The following KALRN variants were observed in gnomAD, a reference collection of about 807,000 sequenced individuals.
The protein encoded by KALRN is kalirin RhoGEF kinase.
In KALRN, 70 loss-of-function variants were observed where a neutral mutation model predicts 353.7. The ratio of observed to expected loss-of-function variants is 0.20; its 90% confidence interval spans 0.16 to 0.24. The LOEUF is 0.24. Ranked by LOEUF, KALRN falls within the 10% of genes least tolerant of loss-of-function variation. The pLI, the probability that KALRN is intolerant of heterozygous loss-of-function variation, is 1.00. For synonymous variants in KALRN, 1,391 were observed against 1,434.8 expected (o/e 0.97, Z 0.69); for missense variants, 2,791 against 3,756.7 (o/e 0.74, Z 6.72).
chr3:124,050,856 A>G (rs958231779), intron 1 of KALRN, among the ~76,000 whole-genome samples: 1 of 152,170 alleles, frequency 6.6e-6, no homozygotes, highest in Non-Finnish European at 1.5e-5. Flanking sequence ...TTGGATGTCA[A>G]CAGCTGAACA....
intron 1 of KALRN, among the ~76,000 whole-genome samples, chr3:124,057,065 T>C (rs1216483767): frequency 1.3e-5 from 2 of 152,220 alleles, no homozygotes; most frequent in Non-Finnish European, 2.9e-5. Context: ...CAGATCTTTT[T>C]CCTCTCTCTT....
chr3:124,089,267 T>C (rs2060979086), intron 1 of KALRN, among the ~76,000 whole-genome samples: 1 of 152,128 alleles, frequency 6.6e-6, no homozygotes, highest in South Asian at 2.1e-4. Flanking sequence ...GAAAAGTTCC[T>C]GGAGGGGATG....
At chr3:124,367,615 C>T (rs1576338445) in intron 10 of KALRN, among the ~76,000 whole-genome samples, 4 of 30,512 alleles carry the variant, frequency 1.3e-4, no homozygotes, top group Non-Finnish European at 2.0e-4. Flanking sequence ...ACCTCCCGGA[C>T]GGGGCGGCTG....
intron 14 of KALRN, among the ~76,000 whole-genome samples, chr3:124,418,646 TC>T (rs375229145): frequency 3.5e-3 from 531 of 152,312 alleles, no homozygotes; most frequent in Middle Eastern, 6.8e-3. Context: ...CACAGTCACC[TC>T]TCTCCTTGAG....
chr3:124,311,064 C>CTTTTTTTTTT (rs71145446), intron 6 of KALRN, among the ~76,000 whole-genome samples: 2,871 of 67,480 alleles, frequency 0.043, 641 homozygotes, highest in Non-Finnish European at 0.063. Flanking sequence ...GATACTACTT[C>CTTTTTTTTTT]TTTTTTTTTT....
At chr3:124,136,648 C>T (rs761850199) in intron 1 of KALRN, among the ~76,000 whole-genome samples, 4 of 152,120 alleles carry the variant, frequency 2.6e-5, no homozygotes, top group Non-Finnish European at 5.9e-5. Flanking sequence ...GGTCTCCTCA[C>T]AGGGAGAAAC....
chr3:124,145,271 G>A (rs1330123082), intron 1 of KALRN, among the ~76,000 whole-genome samples: 1 of 152,152 alleles, frequency 6.6e-6, no homozygotes, highest in Non-Finnish European at 1.5e-5. Flanking sequence ...AAGGAACTCT[G>A]CTACGTACCT....
At chr3:124,191,555 C>T (rs2074920136) in intron 1 of KALRN, among the ~76,000 whole-genome samples, 1 of 152,194 alleles carries the variant, frequency 6.6e-6, no homozygotes. Context: ...TTCTTTTTCT[C>T]CCCCTACATT....
At position 124,330,141 on chromosome 3, in the gene KALRN, C is replaced by A. The variant is rs760803750; in HGVS notation, c.1416+149C>A. 2.7e-4 allele frequency: 228 copies of A among 851,966 alleles called. 1 individual carries two copies. The Middle Eastern group carries it at 3.5e-3, about 13-fold the overall frequency. The allele number at this position is 851,966 out of a possible 1,614,324, so 52.8% of individuals were successfully genotyped here. On this transcript the variant is annotated intron_variant, in intron 8 of 59. Transcript: ENST00000682506. Reference sequence around the variant, plus strand: ...TTTTTTTTGGTGACATCTTTAGGAACCTTGATCTATGAACTATGGTGTCTC... The same window carrying A: ...TTTTTTTTGGTGACATCTTTAGGAAACTTGATCTATGAACTATGGTGTCTC...
At chr3:124,351,697 A>G (rs1304379610) in intron 10 of KALRN, among the ~76,000 whole-genome samples, 4 of 152,242 alleles carry the variant, frequency 2.6e-5, no homozygotes, top group Non-Finnish European at 5.9e-5. Flanking sequence ...TAGTAAAGAC[A>G]TTTAGGGCAG....
At position 124,671,693 on chromosome 3, in the gene KALRN, A is replaced by C; in HGVS notation, c.6737A>C (p.Glu2246Ala). The C allele has an allele frequency of 6.2e-7, 1 of 1,614,080 alleles. No individual in the cohort carries two copies. Among genetic ancestry groups the C allele is most frequent in the Non-Finnish European group, 8.5e-7 (1 of 1,179,932 alleles). Residue 2246 changes from glutamate (E) to alanine (A), a missense_variant, in exon 48 of 60, where the codon GAA becomes GCA. Transcript: ENST00000682506. ...TCGCCCATTGAGTATCAACGGAAAG[A>C]AAGGAGCACAGCTGTGATGAGGTCT... ...LQSPIEYQRK[E>A]RSTAVMRSQP... is the part of the protein sequence containing the mutation.
At chr3:124,142,461 T>C (rs2066748631) in intron 1 of KALRN, among the ~76,000 whole-genome samples, 1 of 152,222 alleles carries the variant, frequency 6.6e-6, no homozygotes, top group South Asian at 2.1e-4. Flanking sequence ...TGAGTCCTAC[T>C]TCCCTGGTGG....
At chr3:124,121,093 C>CAAAAAAAAAA (rs35883031) in intron 1 of KALRN, among the ~76,000 whole-genome samples, 7 of 75,070 alleles carry the variant, frequency 9.3e-5, no homozygotes, top group Non-Finnish European at 1.4e-4. Context: ...GACTCCATCT[C>CAAAAAAAAAA]AAAAAAAAAA....
intron 1 of KALRN, among the ~76,000 whole-genome samples, chr3:124,183,650 G>T (rs1025784723): frequency 6.6e-6 from 1 of 152,188 alleles, no homozygotes; most frequent in Admixed American, 6.5e-5. Flanking sequence ...ATCTGTATCT[G>T]CAGGCCAAAG....
At chr3:124,615,204 A>G (rs543195664) in intron 34 of KALRN, among the ~76,000 whole-genome samples, 6 of 152,210 alleles carry the variant, frequency 3.9e-5, no homozygotes, top group Non-Finnish European at 7.3e-5. Context: ...GATTTGATGC[A>G]TCATTTTTGG....
intron 34 of KALRN, among the ~76,000 whole-genome samples, chr3:124,575,187 C>A (rs2073969620): frequency 6.6e-6 from 1 of 152,216 alleles, no homozygotes; most frequent in Non-Finnish European, 1.5e-5. Flanking sequence ...TCCCCGTATC[C>A]ACTAACCCCA....
At chr3:124,196,313 G>A (rs1303152674) in intron 1 of KALRN, among the ~76,000 whole-genome samples, 5 of 152,166 alleles carry the variant, frequency 3.3e-5, no homozygotes, top group African/African-American at 1.2e-4. Context: ...CTCTTCCCAT[G>A]AGAAGTCTTA....
intron 26 of KALRN, among the ~76,000 whole-genome samples, 181 bp from the exon 27 acceptor site, chr3:124,477,064 A>G (rs1488467106): frequency 2.0e-5 from 3 of 152,252 alleles, no homozygotes; most frequent in African/African-American, 7.2e-5. Flanking sequence ...CAGGAGAAAG[A>G]CATCCCAATG....
chr3:124,584,609 C>A, intron 34 of KALRN: 1 of 1,401,648 alleles, frequency 7.1e-7, no homozygotes, highest in South Asian at 1.6e-5. Flanking sequence ...GAACTCCGCC[C>A]CTTAGGCCCT....
Sources: allele counts gnomAD v4.1 joint callset (sites outside exome capture counted in the v4.1 genomes callset), GRCh38; gene constraint gnomAD v4.1.1; transcripts MANE v1.5; gene names NCBI Gene and HGNC (gene_info 2026-07-23, HGNC 2026-07-21).